The following TMEM109 variants were observed in gnomAD, a reference collection of about 807,000 sequenced individuals.
The protein encoded by TMEM109 is voltage-gated monoatomic cation channel TMEM109.
Under a neutral mutation model 26.4 loss-of-function variants are expected in TMEM109, and 19 were observed. The ratio of observed to expected loss-of-function variants is 0.72; its 90% CI spans 0.50 to 1.06. The LOEUF (loss-of-function observed/expected upper bound fraction) is 1.06. Ranked by LOEUF, TMEM109 falls within the 50% of genes least tolerant of loss-of-function variation. The pLI is 0.00. For missense variants in TMEM109, 262 were observed against 303.4 expected, an observed-to-expected ratio of 0.86 and a Z score of 1.01; for synonymous variants, 129 against 142.0, an observed-to-expected ratio of 0.91 and a Z score of 0.65.
At chr11:60,918,518 G>A (rs1856197104) in intron 1 of TMEM109, 1 of 152,034 alleles carries the variant, frequency 6.6e-6, no homozygotes, top group African/African-American at 2.4e-5. Flanking sequence ...ATCCATTCAT[G>A]AGGGCTGAAC....
At chr11:60,914,472 G>C (rs1856149864) in intron 1 of TMEM109, among the ~76,000 whole-genome samples, 1 of 151,852 alleles carries the variant, frequency 6.6e-6, no homozygotes, top group African/African-American at 2.4e-5. Context: ...CCCGGGAGGC[G>C]CACGTTTCCG....
intron 1 of TMEM109, among the ~76,000 whole-genome samples, chr11:60,916,322 AT>A (rs1043813240): frequency 4.6e-5 from 7 of 152,252 alleles, no homozygotes; most frequent in Non-Finnish European, 8.8e-5. Flanking sequence ...CACAAAAATT[AT>A]TATAACATAT....
chr11:60,921,072 C>A, intron 3 of TMEM109, 84 bp downstream of exon 3: 2 of 1,241,564 alleles, frequency 1.6e-6, no homozygotes, highest in South Asian at 2.4e-5. Flanking sequence ...CAGGGTCTAG[C>A]CTTTTCCCCA....
At chr11:60,920,423 A>G (rs2134880813) in intron 2 of TMEM109, among the ~76,000 whole-genome samples, 1 of 152,290 alleles carries the variant, frequency 6.6e-6, no homozygotes, top group Non-Finnish European at 1.5e-5. Flanking sequence ...TATTAAATCC[A>G]TAATATAGTA....
intron 1 of TMEM109, among the ~76,000 whole-genome samples, chr11:60,914,783 C>T (rs1856154985): frequency 6.6e-6 from 1 of 152,272 alleles, no homozygotes; most frequent in Non-Finnish European, 1.5e-5. Flanking sequence ...AGGGAAGCTG[C>T]CCCTTTGCCG....
intron 2 of TMEM109, 107 bp downstream of exon 2, chr11:60,920,037 A>AGGAT: frequency 1.1e-6 from 1 of 932,760 alleles, no homozygotes; most frequent in Non-Finnish European, 1.7e-6. Flanking sequence ...TGGTGCAGAG[A>AGGAT]GCCCCAAATT....
rs1420314010 is a variant in TMEM109, at chr11:60,919,968, G to T, written c.237+38G>T. 7 of 1,564,200 alleles carry T rather than the reference G, an allele frequency of 4.5e-6. No homozygotes were observed. The East Asian group carries it at 1.3e-4, about 30-fold the overall frequency. On this transcript the variant is annotated intron_variant, in intron 2 of 3. Transcript: ENST00000227525. ...GTCCCTGTGTGACTACACACATTAA[G>T]GAAAAATAAAAGAAGAAAGGTTGGT...
At chr11:60,917,358 T>C (rs1447132811) in intron 1 of TMEM109, among the ~76,000 whole-genome samples, 1 of 152,100 alleles carries the variant, frequency 6.6e-6, no homozygotes, top group Non-Finnish European at 1.5e-5. Context: ...GATCATCAGG[T>C]CTGAATCATG....
intron 1 of TMEM109, among the ~76,000 whole-genome samples, chr11:60,915,470 A>C (rs72916996): frequency 0.013 from 2,026 of 152,332 alleles, 21 homozygotes; most frequent in Non-Finnish European, 0.02. Flanking sequence ...GAAATTCCTG[A>C]GGAGCTTTGC....
At position 60,920,973 on chromosome 11, in the gene TMEM109, G is replaced by GA; in HGVS notation, c.325_326insA (p.Ala109AspfsTer7). The GA allele has an allele frequency of 6.2e-7, 1 of 1,614,138 alleles. No homozygotes were observed. The highest frequency in any genetic ancestry group is 1.1e-5 in the South Asian group (1 of 91,088). ...TGGGATCGCCGCACAGCTGCTGAAT[G>GA]CCTTGGGACTAGCTGGTGAGTGTTC... On this transcript the variant is annotated frameshift_variant, in exon 3 of 4. Coordinates refer to ENST00000227525, the MANE Select transcript of TMEM109 (RefSeq NM_024092.3). LOFTEE classifies it high-confidence loss of function.
At chr11:60,919,957 A>G (rs370555746) in intron 2 of TMEM109, 27 bp downstream of exon 2, 135 of 1,579,336 alleles carry the variant, frequency 8.5e-5, no homozygotes, top group Admixed American at 1.7e-4. Context: ...CTGTGTGACT[A>G]CACACATTAA....
intron 1 of TMEM109, among the ~76,000 whole-genome samples, chr11:60,917,032 G>A (rs1283869702): frequency 6.6e-6 from 1 of 152,160 alleles, no homozygotes; most frequent in African/African-American, 2.4e-5. Flanking sequence ...CTTGATTTGT[G>A]CCAAAGACAG....
Position 60,919,924 on chromosome 11 carries a change from G to T in TMEM109, c.231G>T (p.Val77=). Residue 77 remains valine, a synonymous_variant, in exon 2 of 4, where the codon GTG becomes GTT. Transcript: ENST00000227525. ...TTGGGCCAGAGACCATGCACCTGGT[G>T]TCAGAGGTAAGGAAGGTAGTCCCTG... The part of the protein sequence containing the change: ...AWIGPETMHL[V]SESSSQVLWA... 1 of 1,613,940 alleles carries T rather than the reference G, an allele frequency of 6.2e-7. No individual in the cohort carries two copies. Among genetic ancestry groups the T allele is most frequent in the Non-Finnish European group, 8.5e-7 (1 of 1,179,804 alleles).
chr11:60,922,829 T>C lies in TMEM109; in HGVS notation c.*664T>C, dbSNP rs904858950. 1 of 165,436 alleles carries C rather than the reference T, an allele frequency of 6.0e-6. No homozygotes were observed. The highest frequency in any genetic ancestry group is 2.4e-5 in the African/African-American group (1 of 41,780). The allele number at this position is 165,436 out of a possible 1,614,324, so 10.2% of individuals were successfully genotyped here. A position where few individuals can be genotyped will look rare whatever the true frequency, so the allele number is the denominator to read the frequency against. ...GAGCCAGCAGGGCCTTCTGCTTGCCTGCTGCCATACTGTATGTAGGAAAGT... is the reference window on the plus strand; with the variant it reads ...GAGCCAGCAGGGCCTTCTGCTTGCCCGCTGCCATACTGTATGTAGGAAAGT... On this transcript the variant is annotated 3_prime_UTR_variant, in exon 4 of 4. Coordinates refer to ENST00000227525, the MANE Select transcript of TMEM109 (RefSeq NM_024092.3).
intron 2 of TMEM109, 99 bp from the exon 3 acceptor site, chr11:60,920,787 A>G (rs1354531079): frequency 9.2e-7 from 1 of 1,089,520 alleles, no homozygotes. Context: ...AACAGGTCTG[A>G]GACATTCCTG....
At position 60,914,196 on chromosome 11, in the gene TMEM109, C is replaced by T. The variant is rs990098877; in HGVS notation, c.-81C>T. 3.3e-5 allele frequency: 5 copies of T among 152,230 alleles called. No individual in the cohort carries two copies. The highest frequency in any genetic ancestry group is 3.3e-4 in the Admixed American group (5 of 15,282). The allele number at this position is 152,230 out of a possible 1,614,324, so 9.4% of individuals were successfully genotyped here. ...CATGCGGAGAAGGTAAACCAGCGCC[C>T]CGAGTTGAGGCGCGGGTTTGGTGGC... On this transcript the variant is annotated 5_prime_UTR_variant, in exon 1 of 4. Coordinates refer to ENST00000227525, the MANE Select transcript of TMEM109 (RefSeq NM_024092.3).
Position 60,922,540 on chromosome 11 carries a change from A to T in TMEM109, c.*375A>T. The T allele has an allele frequency of 2.2e-6, 1 of 447,794 alleles. No individual in the cohort carries two copies. The highest frequency in any genetic ancestry group is 2.0e-5 in the South Asian group (1 of 50,334). The allele number at this position is 447,794 out of a possible 1,614,324, so 27.7% of individuals were successfully genotyped here. On this transcript the variant is annotated 3_prime_UTR_variant, in exon 4 of 4. Transcript: ENST00000227525. ...CTGCTGCTGCCTTGGCTTCCTCCTA[A>T]TGCTCGTGCTCTCCTGTCCTTCTGA...
Position 60,921,950 on chromosome 11 carries a change from G to A in TMEM109, c.517G>A (p.Val173Met), listed in dbSNP as rs140800879. The A allele has an allele frequency of 6.8e-6, 11 of 1,613,980 alleles. No individual in the cohort carries two copies. The highest frequency in any genetic ancestry group is 3.3e-5 in the South Asian group (3 of 91,088). The change falls in exon 4 of 4, where the codon GTG becomes ATG. Residue 173 changes from valine to methionine, a missense_variant. Transcript: ENST00000227525. ...LKLVIFLAGF[V>M]ALMRSVPDPS... ...GCTTGTCATCTTCCTGGCCGGCTTCGTGGCCCTGATGAGGTCGGTGCCTGA... is the reference window on the plus strand; with the variant it reads ...GCTTGTCATCTTCCTGGCCGGCTTCATGGCCCTGATGAGGTCGGTGCCTGA...
rs1856249086 is a variant in TMEM109, at chr11:60,922,100, G to T, written c.667G>T (p.Val223Leu). Residue 223 changes from valine to leucine, a missense_variant, in exon 4 of 4, where the codon GTG (valine) becomes TTG (leucine). Physicochemically the swap from Val to Leu is conservative, Grantham distance 32. Transcript: ENST00000227525. ...EAKVRGLERQ[V>L]EELRWRQRRA... The stretch of plus-strand genomic sequence containing the variant: ...CAAGGTGCGAGGGCTGGAACGCCAG[G>T]TGGAGGAGCTGCGCTGGCGCCAGAG... 1 of 1,613,058 alleles carries T rather than the reference G, an allele frequency of 6.2e-7. No individual in the cohort carries two copies. The highest frequency in any genetic ancestry group is 1.3e-5 in the African/African-American group (1 of 75,066).
Sources: allele counts gnomAD v4.1 joint callset (sites outside exome capture counted in the v4.1 genomes callset), GRCh38; gene constraint gnomAD v4.1.1; transcripts MANE v1.5; gene names NCBI Gene and HGNC (gene_info 2026-07-23, HGNC 2026-07-21).